The following MEF2C variants were observed in gnomAD, a reference collection of about 807,000 sequenced individuals.
MEF2C encodes myocyte-specific enhancer factor 2C.
A neutral mutation model predicts 50.5 loss-of-function variants in MEF2C; 6 were observed. The ratio of observed to expected loss-of-function variants is 0.12; its 90% CI spans 0.07 to 0.23. The LOEUF (loss-of-function observed/expected upper bound fraction) is 0.23, where lower values mean the gene tolerates loss of function less well. Ranked by LOEUF, MEF2C falls within the 10% of genes least tolerant of loss-of-function variation. MEF2C has a pLI of 1.00. For synonymous variants in MEF2C, 183 were observed against 228.0 expected (o/e 0.80, Z 1.78); for missense variants, 276 against 605.0 (o/e 0.46, Z 5.70).
At chr5:88,761,388 G>A (rs1777778214) in intron 3 of MEF2C, 60 bp from the exon 4 acceptor site, 1 of 1,545,980 alleles carries the variant, frequency 6.5e-7, no homozygotes, top group Non-Finnish European at 8.7e-7. Context: ...ACATTCAGGG[G>A]CATTAAAGAA....
chr5:88,813,891 TAA>T (rs1370732479), intron 2 of MEF2C, among the ~76,000 whole-genome samples: 5 of 151,986 alleles, frequency 3.3e-5, no homozygotes, highest in African/African-American at 1.2e-4. Flanking sequence ...TCCCTCCAAA[TAA>T]GAGTCATGAT....
At chr5:88,886,540 T>C (rs1461797507), upstream of MEF2C, among the ~76,000 whole-genome samples, 1 of 152,192 alleles carries the variant, frequency 6.6e-6, no homozygotes, top group Non-Finnish European at 1.5e-5. Flanking sequence ...AGTTCTATCA[T>C]TGGAAAACAG....
intron 3 of MEF2C, among the ~76,000 whole-genome samples, chr5:88,766,066 AAGAGTCCAGAC>A (rs1319344199): frequency 1.3e-5 from 2 of 152,232 alleles, no homozygotes; most frequent in Non-Finnish European, 2.9e-5. Context: ...AAATGGGAGA[AAGAGTCCAGAC>A]AGGTAATCCA....
chr5:88,816,586 A>G (rs896842390), intron 2 of MEF2C, among the ~76,000 whole-genome samples: 11 of 151,426 alleles, frequency 7.3e-5, no homozygotes, highest in African/African-American at 2.7e-4. Flanking sequence ...TCTTTGAATA[A>G]AAACTTTTCC....
At chr5:88,728,387 A>C in intron 10 of MEF2C, 106 bp downstream of exon 10, 1 of 897,592 alleles carries the variant, frequency 1.1e-6, no homozygotes, top group Non-Finnish European at 1.5e-6. Flanking sequence ...TCAATAAAGT[A>C]GAGTTTTATA....
At chr5:88,856,904 G>C (rs1823626180) in intron 1 of MEF2C, among the ~76,000 whole-genome samples, 1 of 152,260 alleles carries the variant, frequency 6.6e-6, no homozygotes, top group Non-Finnish European at 1.5e-5. Context: ...CCTGACATCT[G>C]TGTTTCCACT....
chr5:88,821,935 A>G (rs892202022), intron 2 of MEF2C, among the ~76,000 whole-genome samples: 1 of 152,034 alleles, frequency 6.6e-6, no homozygotes, highest in Non-Finnish European at 1.5e-5. Flanking sequence ...CCTAATACAA[A>G]GAAATGATAA....
At chr5:88,774,184 C>T (rs1238469067) in intron 3 of MEF2C, among the ~76,000 whole-genome samples, 1 of 152,206 alleles carries the variant, frequency 6.6e-6, no homozygotes, top group Non-Finnish European at 1.5e-5. Context: ...GTTAGAGTTT[C>T]AGGATGTTGT....
At chr5:88,794,933 G>C (rs1314971017) in intron 3 of MEF2C, among the ~76,000 whole-genome samples, 1 of 152,126 alleles carries the variant, frequency 6.6e-6, no homozygotes, top group Non-Finnish European at 1.5e-5. Flanking sequence ...TGTCAGGTTT[G>C]TCAAAGATAA....
Position 88,863,828 on chromosome 5 carries a change from T to TTC in MEF2C, c.-143+19126_-143+19127insGA, listed in dbSNP as rs1455990041. 1.6e-4 allele frequency among the ~76,000 whole-genome samples: 24 copies of TTC among 151,382 alleles called. No individual in the cohort carries two copies. The East Asian group carries it at 3.7e-3, about 23-fold the overall frequency. On this transcript the variant is annotated intron_variant, in intron 1 of 10. Coordinates refer to ENST00000504921, the MANE Select transcript of MEF2C (RefSeq NM_002397.5). The stretch of plus-strand genomic sequence containing the variant: ...CAAATGACAGAATTTCTTTTTCTTT[T>TTC]TTTTTTTTTTTGAGAGAGAGCCTCG...
At chr5:88,726,364 C>T (rs182377025) in intron 10 of MEF2C, among the ~76,000 whole-genome samples, 1 of 152,182 alleles carries the variant, frequency 6.6e-6, no homozygotes, top group East Asian at 1.9e-4. Context: ...ATTAAGGATG[C>T]TCATGTGAAT....
intron 10 of MEF2C, among the ~76,000 whole-genome samples, chr5:88,723,399 C>T (rs1160924026): frequency 6.6e-6 from 1 of 152,100 alleles, no homozygotes; most frequent in Admixed American, 6.5e-5. Context: ...ATATTTGCCT[C>T]CAATTAATAA....
At chr5:88,774,336 C>CT (rs34650524) in intron 3 of MEF2C, among the ~76,000 whole-genome samples, 72,716 of 144,406 alleles carry the variant, frequency 0.5, 21,620 homozygotes, top group Non-Finnish European at 0.67. Flanking sequence ...GTTTCTACCT[C>CT]TTTTTTTTTT....
chr5:88,891,137 A>G (rs3850653), intron 1 of MEF2C, among the ~76,000 whole-genome samples: 27,657 of 152,174 alleles, frequency 0.18, 2,778 homozygotes, highest in Non-Finnish European at 0.23. Flanking sequence ...GTAGTGTCAT[A>G]GATTCATATA....
intron 1 of MEF2C, among the ~76,000 whole-genome samples, chr5:88,872,650 A>G (rs1259012120): frequency 1.3e-5 from 2 of 152,084 alleles, no homozygotes; most frequent in Non-Finnish European, 2.9e-5. Flanking sequence ...TTTACTGATC[A>G]TTTACTATGT....
At chr5:88,882,511 G>A (rs1002516285) in intron 1 of MEF2C, among the ~76,000 whole-genome samples, 4 of 152,156 alleles carry the variant, frequency 2.6e-5, no homozygotes, top group Admixed American at 1.3e-4. Context: ...GCATAACCCA[G>A]GGCAAATCAG....
chr5:88,735,684 T>A, intron 6 of MEF2C: 1 of 985,468 alleles, frequency 1.0e-6, no homozygotes, highest in South Asian at 4.7e-5. Flanking sequence ...AACTTGAATG[T>A]GGTGTTAGGA....
chr5:88,885,366 T>G (rs1182490588), upstream of MEF2C, among the ~76,000 whole-genome samples: 2 of 152,242 alleles, frequency 1.3e-5, no homozygotes, highest in Non-Finnish European at 2.9e-5. Flanking sequence ...AATCTTCAAG[T>G]TCCAGCTCAT....
intron 6 of MEF2C, chr5:88,743,268 C>A: frequency 2.0e-6 from 2 of 984,944 alleles, no homozygotes; most frequent in Non-Finnish European, 2.4e-6. Flanking sequence ...ACAAAAAATG[C>A]AAACTTGTTA....
Sources: allele counts gnomAD v4.1 joint callset (sites outside exome capture counted in the v4.1 genomes callset), GRCh38; gene constraint gnomAD v4.1.1; transcripts MANE v1.5; gene names NCBI Gene and HGNC (gene_info 2026-07-23, HGNC 2026-07-21).